AFAP1: variants seen among roughly 807,000 people sequenced by gnomAD.
AFAP1 encodes actin filament-associated protein 1.
In AFAP1, 75 loss-of-function variants were observed where a neutral mutation model predicts 93.9. The ratio of observed to expected loss-of-function variants is 0.80; its 90% CI spans 0.66 to 0.97. AFAP1 has a LOEUF of 0.97. AFAP1 is among the 50% of genes least tolerant of loss of function. The pLI is 0.00. For missense variants in AFAP1, 1,201 were observed against 1,050.8 expected (o/e 1.14, Z -1.98); for synonymous variants, 517 against 430.7 (o/e 1.20, Z -2.48).
rs186558768 is a variant in AFAP1 at position 7,899,280 on chromosome 4, C to T, written c.-2-27200G>A. On this transcript the variant is annotated intron_variant, in intron 1 of 17. Transcript: ENST00000420658. ...TTTTACAGTTATACGCATTTGCTTC[C>T]CCCAGGACCCCCGTTTCATAAGGGT... is the stretch of plus-strand genomic sequence containing the variant. Among the ~76,000 whole-genome samples, 364 of 152,182 alleles carry T rather than the reference C, an allele frequency of 2.4e-3. 1 individual carries two copies. The highest frequency in any genetic ancestry group is 8.5e-3 in the African/African-American group (351 of 41,534).
chr4:7,916,884 C>A (rs543596010), intron 1 of AFAP1, among the ~76,000 whole-genome samples: 23 of 152,302 alleles, frequency 1.5e-4, no homozygotes, highest in Admixed American at 7.8e-4. Flanking sequence ...TACCTCTAGC[C>A]CAGTGCATTT....
In AFAP1 at chr4:7,768,827, C is replaced by G. The variant is rs535879955; in HGVS notation, c.2418+17G>C. The G allele has an allele frequency of 6.4e-7, 1 of 1,564,604 alleles. No individual in the cohort carries two copies. Among genetic ancestry groups the G allele is most frequent in the East Asian group, 2.3e-5 (1 of 43,190 alleles). The stretch of plus-strand genomic sequence containing the variant: ...CCTGCCCAGGACACCCAGACACCCC[C>G]GGACATCAGGGCTTACCTTGGCCTT... On this transcript the variant is annotated intron_variant, in intron 17 of 17. Transcript: ENST00000420658.
chr4:7,901,485 G>A (rs1719114494), intron 1 of AFAP1, among the ~76,000 whole-genome samples: 1 of 152,222 alleles, frequency 6.6e-6, no homozygotes, highest in African/African-American at 2.4e-5. Flanking sequence ...AGCAAGACCG[G>A]TCTCCGTGGG....
chr4:7,830,181 T>G (rs897697670), intron 6 of AFAP1, among the ~76,000 whole-genome samples: 1 of 152,190 alleles, frequency 6.6e-6, no homozygotes, highest in Non-Finnish European at 1.5e-5. Flanking sequence ...GAAATCTGCA[T>G]TGCTATTTGC....
At chr4:7,866,833 G>A (rs1005370373) in intron 3 of AFAP1, among the ~76,000 whole-genome samples, 3 of 150,868 alleles carry the variant, frequency 2.0e-5, no homozygotes, top group Admixed American at 2.0e-4. Flanking sequence ...GGCCTGGAGT[G>A]CAAGACAGCA....
intron 1 of AFAP1, among the ~76,000 whole-genome samples, chr4:7,874,179 C>G (rs189815819): frequency 2.1e-4 from 32 of 152,210 alleles, no homozygotes; most frequent in African/African-American, 7.7e-4. Flanking sequence ...ATAAACTAAA[C>G]TATTCTAATG....
chr4:7,767,288 G>C (rs932605341), intron 17 of AFAP1, among the ~76,000 whole-genome samples: 5 of 152,222 alleles, frequency 3.3e-5, no homozygotes, highest in African/African-American at 1.2e-4. Flanking sequence ...GCAAAAGGGA[G>C]CGGGGGGCCT....
At chr4:7,825,195 G>A (rs548669286) in intron 6 of AFAP1, among the ~76,000 whole-genome samples, 1 of 152,170 alleles carries the variant, frequency 6.6e-6, no homozygotes, top group Non-Finnish European at 1.5e-5. Context: ...AACGGGAAAG[G>A]GTTTATTGCC....
At position 7,773,125 on chromosome 4, in the gene AFAP1, C is replaced by G. The variant is rs1715673686; in HGVS notation, c.2063-115G>C. Reference sequence around the variant, plus strand: ...ACAAAACGTCTGAGGTCGAGCTCCCCTGACTTAGGTCCTCGTTGTGAAACT... The same window carrying G: ...ACAAAACGTCTGAGGTCGAGCTCCCGTGACTTAGGTCCTCGTTGTGAAACT... On this transcript the variant is annotated intron_variant, in intron 15 of 17. Coordinates refer to ENST00000420658, the MANE Select transcript of AFAP1 (RefSeq NM_001134647.2). The G allele has an allele frequency of 3.5e-6, 5 of 1,436,180 alleles. No homozygotes were observed. In the South Asian group the frequency reaches 5.8e-5, roughly 17 times the overall value. 89.0% of individuals were successfully genotyped at this position (1,436,180 alleles called of 1,614,324 possible). A position where few individuals can be genotyped will look rare whatever the true frequency, so the allele number is the denominator to read the frequency against.
Position 7,939,325 on chromosome 4 carries a change from T to G in AFAP1, c.-3+331A>C, listed in dbSNP as rs768317493. 9.6e-6 allele frequency: 3 copies of G among 311,650 alleles called. No individual in the cohort carries two copies. The highest frequency in any genetic ancestry group is 1.9e-5 in the Non-Finnish European group (3 of 157,686). The allele number at this position is 311,650 out of a possible 1,614,324, so 19.3% of individuals were successfully genotyped here. A position where few individuals can be genotyped will look rare whatever the true frequency, so the allele number is the denominator to read the frequency against. Reference sequence around the variant, plus strand: ...CCGGACCCCGCCCCACGAGTGGGTCTTCGCAGGGCCCCCTCTGACGCACAC... The same window carrying G: ...CCGGACCCCGCCCCACGAGTGGGTCGTCGCAGGGCCCCCTCTGACGCACAC... On this transcript the variant is annotated intron_variant, in intron 1 of 17. Coordinates refer to ENST00000420658, the MANE Select transcript of AFAP1 (RefSeq NM_001134647.2). This position sits in a 1 kb window ranked among gnomAD's most constrained non-coding sequence, Gnocchi z 5.6.
At chr4:7,780,761 A>C (rs1285512890) in intron 13 of AFAP1, among the ~76,000 whole-genome samples, 2 of 152,164 alleles carry the variant, frequency 1.3e-5, no homozygotes, top group Non-Finnish European at 2.9e-5. Flanking sequence ...TTATTGTTCA[A>C]TGGTCATCAA....
At chr4:7,771,346 G>C (rs932604808) in intron 16 of AFAP1, among the ~76,000 whole-genome samples, 3 of 152,082 alleles carry the variant, frequency 2.0e-5, no homozygotes, top group African/African-American at 7.2e-5. Context: ...GCATATGTGT[G>C]TATGTACACA....
rs147748386 is a variant in AFAP1, at chr4:7,811,148, T to G, written c.905-1385A>C. 4.6e-3 allele frequency among the ~76,000 whole-genome samples: 701 copies of G among 152,318 alleles called. 1 individual carries two copies. The highest frequency in any genetic ancestry group is 8.0e-3 in the Non-Finnish European group (544 of 68,018). ...CGAGGCGCTCGGGACACAGCTGCAC[T>G]GCAGGGCTCACTGGAGCTGAGGGGA... On this transcript the variant is annotated intron_variant, in intron 8 of 17. Transcript: ENST00000420658.
intron 1 of AFAP1, among the ~76,000 whole-genome samples, chr4:7,931,468 T>A (rs898949736): frequency 6.6e-6 from 1 of 152,104 alleles, no homozygotes; most frequent in Non-Finnish European, 1.5e-5. Flanking sequence ...TGTAGCTTAC[T>A]GCAGCCTCAA....
intron 10 of AFAP1, among the ~76,000 whole-genome samples, chr4:7,796,475 C>A (rs963624505): frequency 6.6e-6 from 1 of 152,104 alleles, no homozygotes; most frequent in South Asian, 2.1e-4. Context: ...CTGGGCCAGG[C>A]GCAGTGGCTC....
chr4:7,779,080 A>T (rs1365429057), intron 13 of AFAP1: 4 of 571,060 alleles, frequency 7.0e-6, no homozygotes, highest in Non-Finnish European at 1.2e-5. Flanking sequence ...TAAGGAGGGT[A>T]CGGCAGAGGC....
At position 7,849,876 on chromosome 4, in the gene AFAP1, T is replaced by C. The variant is rs551294127; in HGVS notation, c.334+5590A>G. 2.6e-5 allele frequency among the ~76,000 whole-genome samples: 4 copies of C among 152,262 alleles called. No homozygotes were observed. In the South Asian group the frequency reaches 8.3e-4, roughly 32 times the overall value. ...CAAAATGCAAGAGGGTCACAAAGTTTTGAACACTGACTCTCCTTCTGCATC... is the reference window on the plus strand; with the variant it reads ...CAAAATGCAAGAGGGTCACAAAGTTCTGAACACTGACTCTCCTTCTGCATC... On this transcript the variant is annotated intron_variant, in intron 4 of 17. Transcript: ENST00000420658.
chr4:7,792,219 GAGTCGGAAAGC>G (rs1717923986), intron 11 of AFAP1, among the ~76,000 whole-genome samples: 1 of 152,172 alleles, frequency 6.6e-6, no homozygotes. Context: ...AACTGCCATG[GAGTCGGAAAGC>G]AGATCAATCG....
chr4:7,768,781 G>T, intron 17 of AFAP1, 63 bp downstream of exon 17: 1 of 1,481,216 alleles, frequency 6.8e-7, no homozygotes, highest in Non-Finnish European at 9.0e-7. Context: ...TCACACCCGA[G>T]AATGCTGGGA....
Sources: gnomAD v4.1 joint callset for allele counts (sites outside exome capture counted in the v4.1 genomes callset) on GRCh38, gnomAD v4.1.1 for gene constraint, Gnocchi (gnomAD v3.1) non-coding constraint, MANE v1.5 for transcripts, NCBI Gene and HGNC (gene_info 2026-07-23, HGNC 2026-07-21) for gene names.